Variants in ABTB3 observed in about 807,000 individuals in gnomAD.
ABTB3 encodes ankyrin repeat- and BTB/POZ domain-containing protein 3.
At chr12:107,352,193 C>G in the ABTB3 span, among the ~76,000 whole-genome samples, 1 of 152,060 alleles carries the variant, frequency 6.6e-6, no homozygotes, top group Non-Finnish European at 1.5e-5. Context: ...CTGTGGGTAC[C>G]TTGTCTAGGA....
chr12:107,594,457 G>T, the ABTB3 span, among the ~76,000 whole-genome samples: 123 of 152,256 alleles, frequency 8.1e-4, 1 homozygote, highest in African/African-American at 2.9e-3. Context: ...CAGCAAGTGG[G>T]CATGATTTTT....
the ABTB3 span, among the ~76,000 whole-genome samples, chr12:107,428,347 C>A: frequency 6.6e-6 from 1 of 152,160 alleles, no homozygotes; most frequent in Non-Finnish European, 1.5e-5. Context: ...CTTGGCCATC[C>A]CCTGTATCTT....
chr12:107,342,086 G>A, the ABTB3 span, among the ~76,000 whole-genome samples: 1 of 152,098 alleles, frequency 6.6e-6, no homozygotes, highest in African/African-American at 2.4e-5. Context: ...GCCTAACACG[G>A]GAGACCTCCA....
chr12:107,549,087 T>C, the ABTB3 span, among the ~76,000 whole-genome samples: 1 of 152,204 alleles, frequency 6.6e-6, no homozygotes, highest in Non-Finnish European at 1.5e-5. Context: ...AAACGGAATG[T>C]ACAGACATTT....
At chr12:107,473,883 C>A in the ABTB3 span, among the ~76,000 whole-genome samples, 1 of 151,550 alleles carries the variant, frequency 6.6e-6, no homozygotes, top group South Asian at 2.1e-4. Context: ...CTCTCTGCAA[C>A]CTCCGTCTCC....
chr12:107,531,337 G>A, the ABTB3 span, among the ~76,000 whole-genome samples: 660 of 152,286 alleles, frequency 4.3e-3, no homozygotes, highest in Non-Finnish European at 6.8e-3. Flanking sequence ...ACCTTATAGA[G>A]CACTGTTAGG....
the ABTB3 span, chr12:107,319,793 G>A: frequency 1.4e-6 from 2 of 1,441,208 alleles, no homozygotes; most frequent in Non-Finnish European, 1.8e-6. Flanking sequence ...CCCCGCGGCG[G>A]ATAAAGAGCG....
chr12:107,482,962 TTCTTTC>T, the ABTB3 span, among the ~76,000 whole-genome samples: 5 of 67,994 alleles, frequency 7.4e-5, no homozygotes, highest in African/African-American at 2.6e-4. Context: ...CTTTCTTTCT[TTCTTTC>T]TTTCTTTCTT....
the ABTB3 span, among the ~76,000 whole-genome samples, chr12:107,334,596 G>A: frequency 6.6e-6 from 1 of 152,130 alleles, no homozygotes; most frequent in East Asian, 1.9e-4. Flanking sequence ...TGTTAACTAG[G>A]CCATTGGATA....
chr12:107,530,040 G>T, the ABTB3 span, among the ~76,000 whole-genome samples: 2 of 152,190 alleles, frequency 1.3e-5, no homozygotes, highest in Non-Finnish European at 2.9e-5. Context: ...ATAGCATTTG[G>T]TCATAGCCTT....
At chr12:107,594,893 T>C in the ABTB3 span, among the ~76,000 whole-genome samples, 1 of 152,178 alleles carries the variant, frequency 6.6e-6, no homozygotes, top group Non-Finnish European at 1.5e-5. Flanking sequence ...ACCTCAGCAC[T>C]ACGACATTTG....
chr12:107,328,620 T>C, the ABTB3 span, among the ~76,000 whole-genome samples: 1 of 152,210 alleles, frequency 6.6e-6, no homozygotes, highest in Admixed American at 6.5e-5. Flanking sequence ...CTTCATTTAA[T>C]CTCCACACTC....
chr12:107,559,549 T>A, the ABTB3 span, among the ~76,000 whole-genome samples: 1 of 152,182 alleles, frequency 6.6e-6, no homozygotes, highest in Non-Finnish European at 1.5e-5. Context: ...CATCTGCCCC[T>A]GCACCAAGTT....
the ABTB3 span, among the ~76,000 whole-genome samples, chr12:107,326,870 T>C: frequency 0.19 from 28,451 of 152,146 alleles, 2,797 homozygotes; most frequent in East Asian, 0.22. Context: ...CAAACAAGCA[T>C]TGTGGGGTTG....
chr12:107,542,526 C>A, the ABTB3 span, among the ~76,000 whole-genome samples: 1 of 152,076 alleles, frequency 6.6e-6, no homozygotes, highest in Non-Finnish European at 1.5e-5. Context: ...TTCTGTAACA[C>A]CTGTTACGTA....
At chr12:107,322,717 C>CTTTTGAAAAGGTACTACACTATTATCCT in the ABTB3 span, among the ~76,000 whole-genome samples, 1 of 152,144 alleles carries the variant, frequency 6.6e-6, no homozygotes, top group South Asian at 2.1e-4. Context: ...TCCCCAGTAC[C>CTTTTGAAAAGGTACTACACTATTATCCT]CATTATATAC....
the ABTB3 span, among the ~76,000 whole-genome samples, chr12:107,573,719 G>A: frequency 3.5e-4 from 54 of 152,196 alleles, no homozygotes; most frequent in Non-Finnish European, 6.9e-4. Context: ...CCAGAGAAGA[G>A]TTGAGGTTGC....
the ABTB3 span, among the ~76,000 whole-genome samples, chr12:107,494,109 C>T: frequency 3.9e-5 from 6 of 152,212 alleles, no homozygotes; most frequent in African/African-American, 7.2e-5. Context: ...AGCTCAGAGA[C>T]GGCAAGTGAG....
At chr12:107,361,535 G>A in the ABTB3 span, among the ~76,000 whole-genome samples, 17 of 152,076 alleles carry the variant, frequency 1.1e-4, no homozygotes, top group Non-Finnish European at 2.4e-4. Context: ...ATTATATCCC[G>A]AGGATAAATT....
Sources: allele counts gnomAD v4.1 joint callset (sites outside exome capture counted in the v4.1 genomes callset), GRCh38; gene constraint gnomAD v4.1.1; transcripts MANE v1.5; gene names NCBI Gene and HGNC (gene_info 2026-07-23, HGNC 2026-07-21).